The following MAGI1 variants were observed in gnomAD, a reference collection of about 807,000 sequenced individuals.
MAGI1 encodes the protein membrane-associated guanylate kinase, WW and PDZ domain-containing protein 1.
Under a neutral mutation model 139.9 loss-of-function variants are expected in MAGI1, and 58 were observed. The observed-to-expected ratio is 0.41, with a 90% CI of 0.34 to 0.52. MAGI1 has a LOEUF of 0.52. MAGI1 is among the 20% of genes least tolerant of loss of function. The pLI, the probability that MAGI1 is intolerant of heterozygous loss-of-function variation, is 0.12. For missense variants in MAGI1, 1,874 were observed against 1,901.6 expected, an observed-to-expected ratio of 0.99 and a Z score of 0.27; for synonymous variants, 812 against 737.9, an observed-to-expected ratio of 1.10 and a Z score of -1.63.
At chr3:65,369,075 G>A (rs1559902661) in intron 18 of MAGI1, among the ~76,000 whole-genome samples, 1 of 152,132 alleles carries the variant, frequency 6.6e-6, no homozygotes, top group South Asian at 2.1e-4. Flanking sequence ...CTGCCATTGT[G>A]TATTTATTCA....
chr3:65,933,769 C>T (rs1002799312), intron 1 of MAGI1, among the ~76,000 whole-genome samples: 3 of 152,114 alleles, frequency 2.0e-5, no homozygotes, highest in Admixed American at 2.0e-4. Flanking sequence ...CTTAAATGAG[C>T]CTATTTTATT....
In MAGI1 at chr3:65,876,350, C is replaced by A. The variant is rs540500314; in HGVS notation, c.313+161646G>T. 3.5e-3 allele frequency among the ~76,000 whole-genome samples: 534 copies of A among 151,928 alleles called. 7 individuals are homozygous for A. The highest frequency in any genetic ancestry group is 0.012 in the African/African-American group (491 of 41,422). On this transcript the variant is annotated intron_variant, in intron 1 of 22. Coordinates refer to ENST00000402939, the MANE Select transcript of MAGI1 (RefSeq NM_001033057.2). ...TCCATCTCCTAACCCACTCACCACC[C>A]CCCCCAAAAAAGGCAATATAATTAT...
At chr3:65,853,545 C>T (rs1038855266) in intron 1 of MAGI1, among the ~76,000 whole-genome samples, 3 of 152,098 alleles carry the variant, frequency 2.0e-5, no homozygotes, top group Non-Finnish European at 4.4e-5. Context: ...TGTATCAAAA[C>T]GTATTCATTT....
intron 1 of MAGI1, among the ~76,000 whole-genome samples, chr3:65,983,789 T>C (rs2065720438): frequency 6.6e-6 from 1 of 152,196 alleles, no homozygotes; most frequent in South Asian, 2.1e-4. Flanking sequence ...CCAAATTACT[T>C]AACTTCTTTA....
intron 1 of MAGI1, among the ~76,000 whole-genome samples, chr3:65,674,199 T>C (rs1466504362): frequency 1.3e-5 from 2 of 152,200 alleles, no homozygotes; most frequent in Non-Finnish European, 2.9e-5. Flanking sequence ...TTAAAAATGA[T>C]GTTAAGTAGC....
intron 8 of MAGI1, among the ~76,000 whole-genome samples, chr3:65,440,827 GTATACA>G: frequency 1.7e-5 from 2 of 115,954 alleles, no homozygotes; most frequent in South Asian, 6.8e-4. Context: ...ATGTGTACAT[GTATACA>G]TATACATATA....
At chr3:65,477,058 T>C (rs1359074781) in intron 4 of MAGI1, among the ~76,000 whole-genome samples, 1 of 152,170 alleles carries the variant, frequency 6.6e-6, no homozygotes, top group Non-Finnish European at 1.5e-5. Flanking sequence ...ATTTTACATA[T>C]GGATGAGTTA....
intron 13 of MAGI1, among the ~76,000 whole-genome samples, chr3:65,392,608 C>T (rs1401966007): frequency 6.6e-6 from 1 of 152,160 alleles, no homozygotes; most frequent in African/African-American, 2.4e-5. Context: ...CAAGGCCATT[C>T]TTCCTTGCTG....
intron 1 of MAGI1, among the ~76,000 whole-genome samples, chr3:66,025,956 G>A (rs1430252559): frequency 1.3e-5 from 2 of 151,796 alleles, no homozygotes; most frequent in Admixed American, 1.3e-4. Flanking sequence ...GTTTTTAAAA[G>A]ATTAGAAACC....
At chr3:65,801,090 T>A (rs757278171) in intron 1 of MAGI1, among the ~76,000 whole-genome samples, 1 of 152,174 alleles carries the variant, frequency 6.6e-6, no homozygotes, top group African/African-American at 2.4e-5. Context: ...GAGACACTTA[T>A]GAAAATGAGA....
At chr3:65,952,365 A>G (rs1244168216) in intron 1 of MAGI1, among the ~76,000 whole-genome samples, 1 of 152,190 alleles carries the variant, frequency 6.6e-6, no homozygotes, top group East Asian at 1.9e-4. Flanking sequence ...AAGTGCTTGC[A>G]CTTGTTTTTT....
In MAGI1 at chr3:65,819,875, C is replaced by CAAAAAAAAAAAAAAAAAAAAAAAAAAA. The variant is rs3077818; in HGVS notation, c.314-197788_314-197787insTTTTTTTTTTTTTTTTTTTTTTTTTTT. Among the ~76,000 whole-genome samples the CAAAAAAAAAAAAAAAAAAAAAAAAAAA allele has an allele frequency of 1.5e-3, 49 of 33,470 alleles. 6 individuals carry two copies. The highest frequency in any genetic ancestry group is 5.3e-3 in the East Asian group (6 of 1,126). The allele number at this position is 33,470 out of a possible 152,430, so 22.0% of individuals were successfully genotyped here. A position where few individuals can be genotyped will look rare whatever the true frequency, so the allele number is the denominator to read the frequency against. On this transcript the variant is annotated intron_variant, in intron 1 of 22. Coordinates refer to ENST00000402939, the MANE Select transcript of MAGI1 (RefSeq NM_001033057.2). Reference sequence around the variant, plus strand: ...CTAGCCACAGAGCAAGACTCCATCTCAAAAAAAAAAAAAAAAAAAAAAGGA... The same window carrying CAAAAAAAAAAAAAAAAAAAAAAAAAAA: ...CTAGCCACAGAGCAAGACTCCATCTCAAAAAAAAAAAAAAAAAAAAAAAAAAAAAAAAAAAAAAAAAAAAAAAAAGGA...
At position 65,712,811 on chromosome 3, in the gene MAGI1, G is replaced by T. The variant is rs766681658; in HGVS notation, c.314-90723C>A. Among the ~76,000 whole-genome samples, 10 of 152,148 alleles carry T rather than the reference G, an allele frequency of 6.6e-5. 1 individual carries two copies. Among genetic ancestry groups the T allele is most frequent in the African/African-American group, 9.7e-5 (4 of 41,422 alleles). The stretch of plus-strand genomic sequence containing the variant: ...AAGTCACTATGTTTTGGGGTGATTT[G>T]CTATGCAGCAACAAATGACCTAAAT... On this transcript the variant is annotated intron_variant, in intron 1 of 22. Transcript: ENST00000402939.
chr3:66,037,074 A>T (rs1384208659), intron 1 of MAGI1, among the ~76,000 whole-genome samples: 1 of 152,070 alleles, frequency 6.6e-6, no homozygotes, highest in Admixed American at 6.6e-5. Flanking sequence ...TCCATACTTA[A>T]GGCTCTGCAG....
chr3:65,957,483 T>C (rs1413989665), intron 1 of MAGI1, among the ~76,000 whole-genome samples: 1 of 136,952 alleles, frequency 7.3e-6, no homozygotes, highest in Non-Finnish European at 1.5e-5. Context: ...ATTGCACCAA[T>C]GCACTCTAGC....
intron 3 of MAGI1, among the ~76,000 whole-genome samples, chr3:65,487,364 T>G (rs1041559412): frequency 6.6e-6 from 1 of 152,192 alleles, no homozygotes; most frequent in African/African-American, 2.4e-5. Flanking sequence ...TTGTTCAGCA[T>G]TTTATCTTTA....
intron 1 of MAGI1, among the ~76,000 whole-genome samples, chr3:65,820,639 G>A (rs73136930): frequency 0.041 from 6,310 of 152,128 alleles, 181 homozygotes; most frequent in Non-Finnish European, 0.065. Flanking sequence ...GGATTACCTA[G>A]GATTCTTCAG....
intron 1 of MAGI1, among the ~76,000 whole-genome samples, chr3:65,824,188 G>A (rs935296699): frequency 3.9e-5 from 6 of 152,270 alleles, no homozygotes; most frequent in African/African-American, 1.4e-4. Flanking sequence ...CCTAGCCTAC[G>A]TCCCTGTGAA....
intron 1 of MAGI1, among the ~76,000 whole-genome samples, chr3:65,860,773 G>A (rs1487460305): frequency 3.3e-5 from 5 of 152,206 alleles, no homozygotes; most frequent in Non-Finnish European, 7.3e-5. Flanking sequence ...CAGCTTCTCT[G>A]AGAAGGCAGA....
Sources: gnomAD v4.1 joint callset for allele counts (sites outside exome capture counted in the v4.1 genomes callset) on GRCh38, gnomAD v4.1.1 for gene constraint, MANE v1.5 for transcripts, NCBI Gene and HGNC (gene_info 2026-07-23, HGNC 2026-07-21) for gene names.